REPS2: variants seen among roughly 807,000 people sequenced by gnomAD.
REPS2 encodes ralBP1-associated Eps domain-containing protein 2.
In REPS2, 23 loss-of-function variants were observed where a neutral mutation model predicts 53.6. The ratio of observed to expected loss-of-function variants is 0.43; its 90% CI spans 0.31 to 0.61. The LOEUF (loss-of-function observed/expected upper bound fraction) is 0.61. Among genes scored for constraint, REPS2 ranks in the 20% least tolerant of loss-of-function variants. The probability of loss-of-function intolerance (pLI) is 0.11; values close to 1 mark genes in which losing one functional copy is unlikely to be tolerated. For synonymous variants in REPS2, 238 were observed against 218.6 expected, an observed-to-expected ratio of 1.09 and a Z score of -0.78; for missense variants, 446 against 534.9, an observed-to-expected ratio of 0.83 and a Z score of 1.64.
At chrX:16,965,169 C>G (rs1312084385) in intron 1 of REPS2, among the ~76,000 whole-genome samples, 12 of 85,953 alleles carry the variant, frequency 1.4e-4, no homozygotes, top group East Asian at 4.6e-4. Context: ...CCGGACAGGG[C>G]GGCTGGCAGG....
chrX:17,118,922 TAAA>T (rs942647710), intron 14 of REPS2, among the ~76,000 whole-genome samples: 1 of 112,529 alleles, frequency 8.9e-6, no homozygotes, highest in African/African-American at 3.2e-5. Context: ...TTTTGCATAA[TAAA>T]TAATTATTTA....
intron 14 of REPS2, among the ~76,000 whole-genome samples, chrX:17,119,471 A>G (rs1461385978): frequency 1.8e-5 from 2 of 112,247 alleles, no homozygotes; most frequent in African/African-American, 3.2e-5. Context: ...GGAAGATGCC[A>G]TAAATTCATC....
the REPS2 span, among the ~76,000 whole-genome samples, chrX:17,170,492 C>T: frequency 8.9e-6 from 1 of 112,399 alleles, no homozygotes; most frequent in Admixed American, 9.4e-5. Context: ...GCCAGTTCTT[C>T]AAAAACAAAC....
chrX:17,010,532 A>G (rs1402151569), intron 2 of REPS2, among the ~76,000 whole-genome samples: 2 of 111,533 alleles, frequency 1.8e-5, no homozygotes, highest in Non-Finnish European at 3.8e-5. Flanking sequence ...TCCTGATAGC[A>G]CTTAGCAGAG....
chrX:16,951,559 A>ACACACACACC (rs879259718), intron 1 of REPS2, among the ~76,000 whole-genome samples: 60 of 37,505 alleles, frequency 1.6e-3, no homozygotes, highest in South Asian at 2.2e-3. Context: ...ACACACACAC[A>ACACACACACC]CCCCCGCTAC....
At chrX:17,080,849 T>C (rs2062445966) in intron 13 of REPS2, among the ~76,000 whole-genome samples, 1 of 112,036 alleles carries the variant, frequency 8.9e-6, no homozygotes, top group Admixed American at 9.5e-5. Flanking sequence ...TCTCTTTGCC[T>C]AACCACGGGG....
chrX:17,111,645 C>G (rs2062972867), intron 14 of REPS2, among the ~76,000 whole-genome samples: 1 of 111,932 alleles, frequency 8.9e-6, no homozygotes, highest in South Asian at 3.7e-4. Context: ...CTGTACCACA[C>G]TGTGCTGAAT....
chrX:17,085,571 C>T (rs1404138603), intron 13 of REPS2, among the ~76,000 whole-genome samples: 1 of 112,022 alleles, frequency 8.9e-6, no homozygotes, highest in Non-Finnish European at 1.9e-5. Flanking sequence ...TTTCAGTATA[C>T]AAGTCTTGCA....
At chrX:17,115,437 C>CG (rs1208649955) in intron 14 of REPS2, among the ~76,000 whole-genome samples, 1 of 112,524 alleles carries the variant, frequency 8.9e-6, no homozygotes, top group African/African-American at 3.2e-5. Flanking sequence ...AACATACAAT[C>CG]GGGTTTTATA....
chrX:16,984,044 T>C (rs1323474375), intron 1 of REPS2, among the ~76,000 whole-genome samples: 1 of 112,926 alleles, frequency 8.9e-6, no homozygotes, highest in Non-Finnish European at 1.9e-5. Context: ...TATAACAGGT[T>C]ACCTCAAAAC....
intron 12 of REPS2, among the ~76,000 whole-genome samples, chrX:17,075,004 C>A (rs762304410): frequency 4.5e-5 from 5 of 111,767 alleles, no homozygotes; most frequent in Non-Finnish European, 9.4e-5. Context: ...CTTTGTAAGT[C>A]AAAGAGTTAT....
intron 1 of REPS2, among the ~76,000 whole-genome samples, chrX:17,000,659 CAA>C (rs1264301440): frequency 4.5e-5 from 5 of 110,799 alleles, no homozygotes; most frequent in Non-Finnish European, 7.6e-5. Context: ...AATTCTATAA[CAA>C]GAGAAAAAAT....
At chrX:16,949,904 A>G (rs1178422001) in intron 1 of REPS2, among the ~76,000 whole-genome samples, 1 of 110,732 alleles carries the variant, frequency 9.0e-6, no homozygotes, top group Non-Finnish European at 1.9e-5. Flanking sequence ...CAAAGTCTAT[A>G]TATTAGGGCT....
intron 2 of REPS2, among the ~76,000 whole-genome samples, chrX:17,018,699 C>T (rs763867718): frequency 1.8e-5 from 2 of 108,798 alleles, no homozygotes; most frequent in Admixed American, 9.9e-5. Context: ...CATGAGTTCT[C>T]TGCCCAGCAC....
chrX:16,971,431 A>G (rs149189119), intron 1 of REPS2, among the ~76,000 whole-genome samples: 10 of 112,554 alleles, frequency 8.9e-5, no homozygotes, highest in African/African-American at 1.9e-4. Context: ...TTAGTCATCT[A>G]TCAGATAAAT....
chrX:17,155,523 G>C (rs985602737), downstream of REPS2, among the ~76,000 whole-genome samples: 1 of 111,591 alleles, frequency 9.0e-6, no homozygotes. Flanking sequence ...CAAAGGTAGG[G>C]CACAAGGCCA....
intron 14 of REPS2, among the ~76,000 whole-genome samples, chrX:17,112,995 G>A (rs1341283691): frequency 9.9e-6 from 1 of 100,590 alleles, no homozygotes; most frequent in Non-Finnish European, 2.0e-5. Context: ...GGGAGGCTGA[G>A]GCAGGAGAAT....
chrX:17,176,010 G>T, the REPS2 span, among the ~76,000 whole-genome samples: 3 of 112,345 alleles, frequency 2.7e-5, no homozygotes, highest in African/African-American at 9.7e-5. Context: ...GCAGGATGGG[G>T]AATACATCTA....
chrX:17,024,943 C>T, intron 3 of REPS2, 116 bp from the exon 4 acceptor site: 3 of 1,018,206 alleles, frequency 2.9e-6, no homozygotes, highest in Non-Finnish European at 4.1e-6. Flanking sequence ...AACATTTCCC[C>T]CCATTTGTTA....
Sources: allele counts gnomAD v4.1 joint callset (sites outside exome capture counted in the v4.1 genomes callset), GRCh38; gene constraint gnomAD v4.1.1; transcripts MANE v1.5; gene names NCBI Gene and HGNC (gene_info 2026-07-23, HGNC 2026-07-21).